The following AFF2 variants were observed in gnomAD, a reference collection of about 807,000 sequenced individuals.
AFF2 encodes AF4/FMR2 family member 2.
Under a neutral mutation model 76.9 loss-of-function variants are expected in AFF2, and 14 were observed. The observed-to-expected ratio is 0.18, with a 90% CI of 0.12 to 0.28. The LOEUF (loss-of-function observed/expected upper bound fraction) is 0.28, where lower values mean the gene tolerates loss of function less well. Ranked by LOEUF, AFF2 falls within the 10% of genes least tolerant of loss-of-function variation. The pLI is 1.00. For synonymous variants in AFF2, 398 were observed against 366.7 expected (o/e 1.09, Z -0.98); for missense variants, 868 against 1,001.1 (o/e 0.87, Z 1.79).
chrX:148,995,890 A>C lies in AFF2; in HGVS notation c.*4558A>C, dbSNP rs1280144996. On this transcript the variant is annotated 3_prime_UTR_variant, in exon 21 of 21. Coordinates refer to ENST00000370460, the MANE Select transcript of AFF2 (RefSeq NM_002025.4). Reference sequence around the variant, plus strand: ...CCAGCAGTTGCTGGTGAGCAGCAGCATGCAGACCAGCTGTGGGAAGCCTCC... The same window carrying C: ...CCAGCAGTTGCTGGTGAGCAGCAGCCTGCAGACCAGCTGTGGGAAGCCTCC... 8.9e-6 allele frequency: 1 copy of C among 112,763 alleles called. No homozygotes were observed. Among genetic ancestry groups the C allele is most frequent in the African/African-American group, 3.2e-5 (1 of 30,943 alleles). The allele number at this position is 112,763 out of a possible 1,213,427, so 9.3% of individuals were successfully genotyped here.
At chrX:148,543,264 C>G (rs1320777066) in intron 1 of AFF2, among the ~76,000 whole-genome samples, 1 of 111,807 alleles carries the variant, frequency 8.9e-6, no homozygotes, top group Non-Finnish European at 1.9e-5. Flanking sequence ...GACTAAAGAG[C>G]CCTGCTGATA....
intron 1 of AFF2, among the ~76,000 whole-genome samples, chrX:148,541,233 A>G (rs1169172645): frequency 8.9e-6 from 1 of 112,564 alleles, no homozygotes; most frequent in African/African-American, 3.2e-5. Context: ...TCTATTCAAC[A>G]TGGGATGCAC....
chrX:148,926,708 T>G (rs987188019), intron 9 of AFF2, among the ~76,000 whole-genome samples: 1 of 112,253 alleles, frequency 8.9e-6, no homozygotes, highest in African/African-American at 3.2e-5. Flanking sequence ...CCTGCCCACA[T>G]TAAAGCATTG....
chrX:148,944,392 G>A (rs1236612731), intron 9 of AFF2, among the ~76,000 whole-genome samples: 1 of 111,758 alleles, frequency 8.9e-6, no homozygotes, highest in Non-Finnish European at 1.9e-5. Context: ...GGTTTCTTGT[G>A]AATGCAAGCT....
At chrX:148,863,510 A>G (rs1369777781) in intron 7 of AFF2, among the ~76,000 whole-genome samples, 3 of 111,853 alleles carry the variant, frequency 2.7e-5, no homozygotes, top group African/African-American at 6.5e-5. Context: ...TTGATTGCCT[A>G]TTCACTGAGG....
intron 7 of AFF2, among the ~76,000 whole-genome samples, chrX:148,857,693 T>C (rs1483878367): frequency 9.0e-6 from 1 of 110,820 alleles, no homozygotes; most frequent in Non-Finnish European, 1.9e-5. Flanking sequence ...CAACATGATT[T>C]ATCCAAGTTA....
chrX:148,701,394 C>T (rs1326569109), intron 3 of AFF2, among the ~76,000 whole-genome samples: 1 of 110,965 alleles, frequency 9.0e-6, no homozygotes, highest in African/African-American at 3.3e-5. Context: ...GTTCTGATAT[C>T]CATTCCTTCA....
At chrX:148,730,271 T>C (rs1216324498) in intron 3 of AFF2, among the ~76,000 whole-genome samples, 2 of 112,093 alleles carry the variant, frequency 1.8e-5, no homozygotes, top group Non-Finnish European at 1.9e-5. Flanking sequence ...GATTGGAGGC[T>C]GCTTTCCACC....
intron 3 of AFF2, among the ~76,000 whole-genome samples, chrX:148,793,656 G>A (rs1160939744): frequency 1.8e-5 from 2 of 111,789 alleles, no homozygotes; most frequent in African/African-American, 6.5e-5. Context: ...CCCCTGTCAT[G>A]AGAGTCATGT....
rs372306106 is a variant in AFF2 at position 148,595,171 on chromosome X, A to G, written c.48-56828A>G. Among the ~76,000 whole-genome samples, 4 of 112,306 alleles carry G rather than the reference A, an allele frequency of 3.6e-5. No individual in the cohort carries two copies. In the East Asian group the frequency reaches 8.4e-4, roughly 24 times the overall value. On this transcript the variant is annotated intron_variant, in intron 1 of 20. Coordinates refer to ENST00000370460, the MANE Select transcript of AFF2 (RefSeq NM_002025.4). The stretch of plus-strand genomic sequence containing the variant: ...CTCAAAGACAATCCTGAAGGAAAAT[A>G]ACTTCCACCTTAATATTTCTACTTA...
At chrX:148,757,939 C>T (rs1436714657) in intron 3 of AFF2, among the ~76,000 whole-genome samples, 1 of 112,395 alleles carries the variant, frequency 8.9e-6, no homozygotes, top group African/African-American at 3.2e-5. Context: ...CATGCAATGT[C>T]CTAAATGCTA....
intron 9 of AFF2, among the ~76,000 whole-genome samples, chrX:148,948,377 A>G (rs2071925517): frequency 8.9e-6 from 1 of 111,734 alleles, no homozygotes; most frequent in South Asian, 3.8e-4. Context: ...TAAAGTCCAT[A>G]AACAGCCTCA....
intron 2 of AFF2, among the ~76,000 whole-genome samples, chrX:148,660,993 C>T (rs1446581092): frequency 1.8e-5 from 2 of 112,244 alleles, no homozygotes; most frequent in African/African-American, 6.5e-5. Context: ...ATTTTAAAAA[C>T]AATCACAGCC....
intron 1 of AFF2, among the ~76,000 whole-genome samples, chrX:148,559,724 G>A (rs2053089600): frequency 9.0e-6 from 1 of 111,654 alleles, no homozygotes; most frequent in African/African-American, 3.3e-5. Context: ...GTGAATAATG[G>A]TGCAGTAAAC....
intron 3 of AFF2, among the ~76,000 whole-genome samples, chrX:148,809,537 A>G (rs1557271616): frequency 8.9e-6 from 1 of 111,916 alleles, no homozygotes; most frequent in South Asian, 3.8e-4. Flanking sequence ...ATAATATACA[A>G]AAGTATGTCA....
chrX:148,732,353 C>T (rs1299340437), intron 3 of AFF2, among the ~76,000 whole-genome samples: 2 of 93,640 alleles, frequency 2.1e-5, no homozygotes, highest in African/African-American at 8.1e-5. Context: ...CATATTCTCA[C>T]TCATAGGTGG....
chrX:148,920,207 T>G (rs1189299497), intron 9 of AFF2, among the ~76,000 whole-genome samples: 6 of 111,591 alleles, frequency 5.4e-5, no homozygotes, highest in Admixed American at 1.9e-4. Flanking sequence ...CCCAGGCTTT[T>G]TAGTGGTATA....
chrX:148,518,248 A>G (rs1324783101), intron 1 of AFF2, among the ~76,000 whole-genome samples: 2 of 111,386 alleles, frequency 1.8e-5, no homozygotes, highest in African/African-American at 3.3e-5. Context: ...GGATTTTGCT[A>G]AAAAAACCAA....
At position 148,809,917 on chromosome X, in the gene AFF2, G is replaced by C. The variant is rs1021136727; in HGVS notation, c.1083G>C (p.Leu361Phe). 6 of 1,208,564 alleles carry C rather than the reference G, an allele frequency of 5.0e-6. No individual in the cohort carries two copies. Among genetic ancestry groups the C allele is most frequent in the African/African-American group, 3.5e-5 (2 of 57,146 alleles). Reference sequence around the variant, plus strand: ...ATCCAAGCTGTGTTGAAGAAATCTTGCGGGTGAGTTTAAACCTTTATTTTT... The same window carrying C: ...ATCCAAGCTGTGTTGAAGAAATCTTCCGGGTGAGTTTAAACCTTTATTTTT... ...PSDPSCVEEI[L>F]REMTHSWPTP... Residue 361 changes from leucine to phenylalanine, a missense_variant, in exon 4 of 21, where the codon TTG (leucine) becomes TTC (phenylalanine). This residue lies in a region of AFF2 where 532 missense variants were observed against 564.2 expected (regional missense o/e 0.94). Transcript: ENST00000370460.
Sources: allele counts gnomAD v4.1 joint callset (sites outside exome capture counted in the v4.1 genomes callset), GRCh38; gene constraint gnomAD v4.1.1; regional missense constraint gnomAD v4.1.1; transcripts MANE v1.5; gene names NCBI Gene and HGNC (gene_info 2026-07-23, HGNC 2026-07-21).